Variants in ABCB1 observed in about 807,000 individuals in gnomAD.
ABCB1 encodes ATP binding cassette subfamily B member 1.
A neutral mutation model predicts 142.0 loss-of-function variants in ABCB1; 69 were observed. The ratio of observed to expected loss-of-function variants is 0.49; its 90% confidence interval spans 0.40 to 0.59. ABCB1 has a LOEUF of 0.59. ABCB1 is among the 20% of genes least tolerant of loss of function. The probability of loss-of-function intolerance (pLI) is 0.00; values close to 1 mark genes in which losing one functional copy is unlikely to be tolerated. For missense variants in ABCB1, 1,326 were observed against 1,554.7 expected (o/e 0.85, Z 2.47); for synonymous variants, 532 against 539.2 (o/e 0.99, Z 0.18).
At chr7:87,658,213 G>T (rs1316591355) in intron 1 of ABCB1, among the ~76,000 whole-genome samples, 2 of 152,084 alleles carry the variant, frequency 1.3e-5, no homozygotes, top group African/African-American at 4.8e-5. Flanking sequence ...ATACAAAGAA[G>T]ACCAAAATGG....
intron 1 of ABCB1, among the ~76,000 whole-genome samples, chr7:87,647,543 G>T (rs927598205): frequency 1.3e-5 from 2 of 152,118 alleles, no homozygotes; most frequent in African/African-American, 4.8e-5. Context: ...TATGCAACAT[G>T]TAATGAATTT....
intron 1 of ABCB1, chr7:87,693,874 T>G (rs1585121135): frequency 6.3e-7 from 1 of 1,596,002 alleles, no homozygotes; most frequent in East Asian, 2.2e-5. Flanking sequence ...TTCTTAAATA[T>G]CTGTGTGTTG....
intron 4 of ABCB1, among the ~76,000 whole-genome samples, chr7:87,574,673 A>G (rs1818201365): frequency 6.6e-6 from 1 of 152,102 alleles, no homozygotes; most frequent in Admixed American, 6.6e-5. Flanking sequence ...AATGCCCTTT[A>G]TCAAAATTTT....
intron 1 of ABCB1, among the ~76,000 whole-genome samples, chr7:87,690,783 T>C (rs1827941644): frequency 6.6e-6 from 1 of 152,176 alleles, no homozygotes; most frequent in African/African-American, 2.4e-5. Flanking sequence ...AAATCTGAAT[T>C]ATTATCTGAT....
intron 17 of ABCB1, among the ~76,000 whole-genome samples, chr7:87,542,665 T>G (rs1372593720): frequency 2.6e-5 from 4 of 152,112 alleles, no homozygotes; most frequent in Admixed American, 2.0e-4. Context: ...TTCCTTTTTT[T>G]TTTTTTCTCT....
At position 87,550,152 on chromosome 7, in the gene ABCB1, C is replaced by T. The variant is rs773101894; in HGVS notation, c.1350+19G>A. 1 of 1,614,154 alleles carries T rather than the reference C, an allele frequency of 6.2e-7. No individual in the cohort carries two copies. The highest frequency in any genetic ancestry group is 2.2e-5 in the East Asian group (1 of 44,890). ...GACTGCTGATCACCGCAGGGTCTAGCTCGCATGGGTCATCTCACCATCCCC... is the reference window on the plus strand; with the variant it reads ...GACTGCTGATCACCGCAGGGTCTAGTTCGCATGGGTCATCTCACCATCCCC... On this transcript the variant is annotated intron_variant, in intron 12 of 27. Transcript: ENST00000622132.
At chr7:87,541,609 C>T (rs550901087) in intron 17 of ABCB1, 145 bp from the exon 18 acceptor site, 1 of 686,890 alleles carries the variant, frequency 1.5e-6, no homozygotes, top group Admixed American at 2.3e-5. Flanking sequence ...TATTGCCAGC[C>T]TTAAAGGTGT....
chr7:87,602,895 A>G (rs769554185), upstream of ABCB1: 8 of 152,176 alleles, frequency 5.3e-5, no homozygotes, highest in Non-Finnish European at 8.8e-5. Flanking sequence ...TTGTGCCACC[A>G]CCACTTCTGT....
At chr7:87,504,533 GCA>G in intron 27 of ABCB1, 84 bp from the exon 28 acceptor site, 1 of 1,552,662 alleles carries the variant, frequency 6.4e-7, no homozygotes, top group African/African-American at 1.4e-5. Flanking sequence ...AGTAGGACGG[GCA>G]TGGTGGCTCA....
chr7:87,608,097 A>C (rs1819722366), intron 1 of ABCB1, among the ~76,000 whole-genome samples: 1 of 152,214 alleles, frequency 6.6e-6, no homozygotes, highest in Non-Finnish European at 1.5e-5. Flanking sequence ...TGTCCTCAAT[A>C]ATAGCAAATT....
chr7:87,591,155 G>A (rs1818984226), intron 3 of ABCB1, among the ~76,000 whole-genome samples: 1 of 152,092 alleles, frequency 6.6e-6, no homozygotes, highest in Non-Finnish European at 1.5e-5. Context: ...TGTGATGATT[G>A]AAGTAAGAGG....
chr7:87,539,177 G>C, intron 19 of ABCB1, 91 bp downstream of exon 19: 1 of 1,372,980 alleles, frequency 7.3e-7, no homozygotes, highest in Non-Finnish European at 1.0e-6. Context: ...AGCTAGGCCT[G>C]GGAAACATGA....
chr7:87,578,613 T>C (rs996661800), intron 4 of ABCB1, among the ~76,000 whole-genome samples: 33 of 152,168 alleles, frequency 2.2e-4, no homozygotes, highest in Non-Finnish European at 2.2e-4. Flanking sequence ...GTTTTCATTG[T>C]AGAGATCTCT....
chr7:87,667,866 G>A (rs768065228), intron 1 of ABCB1, among the ~76,000 whole-genome samples: 6 of 152,148 alleles, frequency 3.9e-5, no homozygotes, highest in Non-Finnish European at 5.9e-5. Flanking sequence ...GCTTTTTGAT[G>A]TGCTGCCAGA....
intron 1 of ABCB1, among the ~76,000 whole-genome samples, chr7:87,673,649 T>C (rs1826048429): frequency 6.6e-6 from 1 of 152,252 alleles, no homozygotes; most frequent in South Asian, 2.1e-4. Context: ...GATTGAGCTT[T>C]GACATTCTGT....
At position 87,550,535 on chromosome 7, in the gene ABCB1, T is replaced by C; in HGVS notation, c.1157A>G (p.Asp386Gly). The change falls in exon 11 of 28, where the codon GAT becomes GGT. Residue 386 changes from aspartate (D) to glycine (G), a missense_variant. By Grantham distance (94) the Asp-to-Gly change is moderately conservative. Coordinates refer to ENST00000622132, the MANE Select transcript of ABCB1 (RefSeq NM_001348946.2). ...DSYSKSGHKP[D>G]NIKGNLEFRN... Reference sequence around the variant, plus strand: ...GAATTCCAAATTTCCCTTAATATTATCTGGTTTGTGCCCACTCTTCGAATA... The same window carrying C: ...GAATTCCAAATTTCCCTTAATATTACCTGGTTTGTGCCCACTCTTCGAATA... 1.2e-6 allele frequency: 2 copies of C among 1,613,602 alleles called. No individual in the cohort carries two copies. Among genetic ancestry groups the C allele is most frequent in the East Asian group, 2.2e-5 (1 of 44,862 alleles).
At chr7:87,668,057 A>G (rs1182003460) in intron 1 of ABCB1, among the ~76,000 whole-genome samples, 1 of 151,292 alleles carries the variant, frequency 6.6e-6, no homozygotes, top group Non-Finnish European at 1.5e-5. Context: ...TTCAGTAGAA[A>G]TGGTACCAGC....
chr7:87,614,955 C>G (rs929344694), intron 1 of ABCB1, among the ~76,000 whole-genome samples: 15 of 152,020 alleles, frequency 9.9e-5, no homozygotes, highest in African/African-American at 3.6e-4. Flanking sequence ...ATGCCATTCT[C>G]CTGCCTCAGC....
chr7:87,660,526 C>T lies in ABCB1; in HGVS notation c.-331+52635G>A, dbSNP rs182689928. On this transcript the variant is annotated intron_variant, in intron 1 of 28. Transcript: ENST00000265724. ...TAGTTCTTTGTTTTTATTTTATGAT[C>T]GTTAGTTCCTTTTTCTTTTTTTCTT... 2.0e-4 allele frequency among the ~76,000 whole-genome samples: 31 copies of T among 151,992 alleles called. No homozygotes were observed. The East Asian group carries it at 3.3e-3, about 16-fold the overall frequency.
Sources: allele counts gnomAD v4.1 joint callset (sites outside exome capture counted in the v4.1 genomes callset), GRCh38; gene constraint gnomAD v4.1.1; transcripts MANE v1.5; gene names NCBI Gene and HGNC (gene_info 2026-07-23, HGNC 2026-07-21).